SEMA6D: variants seen among roughly 807,000 people sequenced by gnomAD.
SEMA6D encodes semaphorin 6D, also known as semaphorin-6D.
Under a neutral mutation model 106.6 loss-of-function variants are expected in SEMA6D, and 35 were observed. The observed-to-expected ratio is 0.33, with a 90% confidence interval of 0.25 to 0.44. SEMA6D has a LOEUF of 0.44. SEMA6D is among the 20% of genes least tolerant of loss of function. The pLI, the probability that SEMA6D is intolerant of heterozygous loss-of-function variation, is 1.00. For missense variants in SEMA6D, 1,185 were observed against 1,345.9 expected, an observed-to-expected ratio of 0.88 and a Z score of 1.87; for synonymous variants, 499 against 487.7, an observed-to-expected ratio of 1.02 and a Z score of -0.31.
At chr15:47,461,542 A>G (rs1250373854) in intron 2 of SEMA6D, among the ~76,000 whole-genome samples, 1 of 152,100 alleles carries the variant, frequency 6.6e-6, no homozygotes, top group African/African-American at 2.4e-5. Context: ...GTTATTACAC[A>G]TAGCATAGAA....
chr15:47,625,102 A>G (rs561448356), intron 4 of SEMA6D, among the ~76,000 whole-genome samples: 100 of 151,426 alleles, frequency 6.6e-4, no homozygotes, highest in African/African-American at 2.4e-3. Context: ...ATTTTTTTTT[A>G]TGTTCAGAAA....
At chr15:47,602,533 CT>C (rs371143869) in intron 4 of SEMA6D, among the ~76,000 whole-genome samples, 5,176 of 145,112 alleles carry the variant, frequency 0.036, 261 homozygotes, top group African/African-American at 0.12. Flanking sequence ...TACAGGTAGA[CT>C]TTTTTTTTTT....
intron 3 of SEMA6D, among the ~76,000 whole-genome samples, chr15:47,475,600 C>T (rs958064462): frequency 9.2e-5 from 14 of 152,132 alleles, no homozygotes; most frequent in Non-Finnish European, 1.3e-4. Context: ...CTTGCAGTTC[C>T]GGATAAGGAC....
intron 1 of SEMA6D, among the ~76,000 whole-genome samples, chr15:47,193,604 C>T (rs1894119563): frequency 6.6e-6 from 1 of 151,974 alleles, no homozygotes; most frequent in Non-Finnish European, 1.5e-5. Context: ...TAGTCACATA[C>T]ATCAACTTCA....
intron 3 of SEMA6D, among the ~76,000 whole-genome samples, chr15:47,564,112 G>A (rs138641397): frequency 8.0e-4 from 122 of 152,302 alleles, no homozygotes; most frequent in African/African-American, 2.9e-3. Flanking sequence ...TATAAATCAT[G>A]GAGTGTGTTT....
intron 1 of SEMA6D, among the ~76,000 whole-genome samples, chr15:47,240,885 GAAAATAGTATATTAAAACATAA>G (rs567458316): frequency 6.6e-6 from 1 of 152,236 alleles, no homozygotes; most frequent in South Asian, 2.1e-4. Context: ...ACTGTTTGGG[GAAAATAGTATATTAAAACATAA>G]ATATGGTTCA....
chr15:47,194,515 AAG>A (rs973766574), intron 1 of SEMA6D, among the ~76,000 whole-genome samples: 5 of 152,122 alleles, frequency 3.3e-5, no homozygotes, highest in African/African-American at 1.2e-4. Flanking sequence ...CCAGGCATTC[AAG>A]AGGAAGTATC....
chr15:47,471,463 C>G (rs2042835302), intron 3 of SEMA6D, among the ~76,000 whole-genome samples: 1 of 152,162 alleles, frequency 6.6e-6, no homozygotes. Flanking sequence ...ATACACCTTG[C>G]TTAAACATTC....
intron 2 of SEMA6D, among the ~76,000 whole-genome samples, chr15:47,436,492 T>G (rs2041706812): frequency 6.6e-6 from 1 of 151,510 alleles, no homozygotes; most frequent in East Asian, 1.9e-4. Context: ...ACAAATAGTA[T>G]TTGTGATGCT....
chr15:47,380,989 A>G (rs1038161621), intron 1 of SEMA6D, among the ~76,000 whole-genome samples: 34 of 152,368 alleles, frequency 2.2e-4, no homozygotes, highest in African/African-American at 7.9e-4. Flanking sequence ...GAGAAAATTA[A>G]AACAGCTGCA....
intron 1 of SEMA6D, among the ~76,000 whole-genome samples, chr15:47,402,428 T>C (rs984462728): frequency 6.6e-5 from 10 of 152,210 alleles, no homozygotes; most frequent in Non-Finnish European, 1.3e-4. Flanking sequence ...CAATGGCTCT[T>C]CAGAGGGGAA....
In SEMA6D at chr15:47,761,401, T is replaced by C. The variant is rs767343230; in HGVS notation, c.417T>C (p.Asn139=). The C allele has an allele frequency of 2.5e-6, 4 of 1,613,160 alleles. No individual in the cohort carries two copies. Among genetic ancestry groups the C allele is most frequent in the Admixed American group, 1.7e-5 (1 of 59,964 alleles). ...AGATGGTTTTTGTTTGTGGTACCAA[T>C]GCATTCAATCCCATGTGTAGATACT... ...NDEMVFVCGT[N]AFNPMCRYYR... Residue 139 remains asparagine (N), a synonymous_variant, in exon 6 of 19, where the codon AAT becomes AAC. Transcript: ENST00000536845.
intron 3 of SEMA6D, among the ~76,000 whole-genome samples, chr15:47,554,660 A>G (rs1328496152): frequency 2.0e-5 from 3 of 152,220 alleles, no homozygotes; most frequent in Non-Finnish European, 4.4e-5. Flanking sequence ...GTCTACAGTG[A>G]CACACAGATA....
At chr15:47,431,115 A>G (rs2041507208) in intron 2 of SEMA6D, among the ~76,000 whole-genome samples, 1 of 152,108 alleles carries the variant, frequency 6.6e-6, no homozygotes, top group Non-Finnish European at 1.5e-5. Flanking sequence ...TTTGTTTTTC[A>G]AAGAACAGAC....
intron 2 of SEMA6D, among the ~76,000 whole-genome samples, chr15:47,420,558 A>G (rs2041119826): frequency 6.6e-6 from 1 of 152,050 alleles, no homozygotes. Flanking sequence ...GTGTGAAGGT[A>G]TGTGCATTGC....
chr15:47,271,071 G>A (rs891696250), intron 1 of SEMA6D, among the ~76,000 whole-genome samples: 1 of 152,088 alleles, frequency 6.6e-6, no homozygotes, highest in East Asian at 1.9e-4. Flanking sequence ...TTTGTCTTTT[G>A]TGGTAAAGTC....
chr15:47,469,322 G>GTGTGTA (rs1251333531), intron 2 of SEMA6D, among the ~76,000 whole-genome samples: 27 of 150,648 alleles, frequency 1.8e-4, no homozygotes, highest in Admixed American at 1.6e-3. Context: ...GTGTGTGTGT[G>GTGTGTA]TGTATGTGCA....
At chr15:47,236,614 T>C (rs535551299) in intron 1 of SEMA6D, among the ~76,000 whole-genome samples, 35 of 152,160 alleles carry the variant, frequency 2.3e-4, no homozygotes, top group Non-Finnish European at 5.0e-4. Flanking sequence ...GAGTAAATAA[T>C]TCTGCCTGTC....
chr15:47,585,292 C>T (rs1387372459), intron 3 of SEMA6D, among the ~76,000 whole-genome samples: 2 of 152,178 alleles, frequency 1.3e-5, no homozygotes, highest in Non-Finnish European at 2.9e-5. Context: ...CTAAATTATA[C>T]CAGTTGATTA....
Sources: allele counts gnomAD v4.1 joint callset (sites outside exome capture counted in the v4.1 genomes callset), GRCh38; gene constraint gnomAD v4.1.1; transcripts MANE v1.5; gene names NCBI Gene and HGNC (gene_info 2026-07-23, HGNC 2026-07-21).